The following PABPC4L variants were observed in gnomAD, a reference collection of about 807,000 sequenced individuals.
The protein encoded by PABPC4L is polyadenylate-binding protein 4-like.
For missense variants in PABPC4L, 452 were observed against 451.4 expected (o/e 1.00, Z -0.01); for synonymous variants, 169 against 164.1 (o/e 1.03, Z -0.23).
chr4:134,015,776 G>A, the PABPC4L span, among the ~76,000 whole-genome samples: 1 of 152,090 alleles, frequency 6.6e-6, no homozygotes, highest in Non-Finnish European at 1.5e-5. Context: ...CAAACAACTT[G>A]ACCTTACTGT....
At chr4:134,201,555 C>A (rs1001744437) in intron 1 of PABPC4L, among the ~76,000 whole-genome samples, 163 bp downstream of exon 1, 2 of 152,062 alleles carry the variant, frequency 1.3e-5, no homozygotes, top group African/African-American at 4.8e-5. Context: ...GCGCTGCCGG[C>A]AGCGACGCGG....
chr4:134,129,852 G>A, the PABPC4L span, among the ~76,000 whole-genome samples: 2 of 151,700 alleles, frequency 1.3e-5, no homozygotes, highest in South Asian at 2.1e-4. Context: ...GGGAAATCAC[G>A]AGGTCAGGAG....
At chr4:134,009,424 A>G in the PABPC4L span, among the ~76,000 whole-genome samples, 3 of 151,972 alleles carry the variant, frequency 2.0e-5, no homozygotes, top group Non-Finnish European at 4.4e-5. Flanking sequence ...CACAACCTCT[A>G]TGGTCTATCT....
chr4:134,162,330 T>C, the PABPC4L span, among the ~76,000 whole-genome samples: 7 of 152,080 alleles, frequency 4.6e-5, no homozygotes, highest in African/African-American at 1.7e-4. Flanking sequence ...CCTAAATATA[T>C]ATGCACCTAA....
chr4:133,960,122 G>A, the PABPC4L span, among the ~76,000 whole-genome samples: 6 of 152,058 alleles, frequency 3.9e-5, no homozygotes, highest in African/African-American at 1.2e-4. Context: ...GCAGAGATTC[G>A]CATTGTGAAT....
At chr4:134,014,223 C>G in the PABPC4L span, among the ~76,000 whole-genome samples, 2 of 152,130 alleles carry the variant, frequency 1.3e-5, no homozygotes, top group South Asian at 4.1e-4. Flanking sequence ...AAATTAAATT[C>G]CAGCCTCAAA....
chr4:134,072,293 G>A, the PABPC4L span, among the ~76,000 whole-genome samples: 2 of 152,194 alleles, frequency 1.3e-5, no homozygotes, highest in Middle Eastern at 3.4e-3. Flanking sequence ...CCTGGCCCCA[G>A]AGTTGATGTG....
At chr4:134,085,992 G>A in the PABPC4L span, among the ~76,000 whole-genome samples, 2 of 152,086 alleles carry the variant, frequency 1.3e-5, no homozygotes, top group African/African-American at 4.8e-5. Flanking sequence ...TCTTCCAACT[G>A]ATTGTAATAA....
At chr4:133,976,953 A>G in the PABPC4L span, among the ~76,000 whole-genome samples, 1 of 152,130 alleles carries the variant, frequency 6.6e-6, no homozygotes, top group African/African-American at 2.4e-5. Context: ...TTTCGTTAGA[A>G]TTGCTTTTGG....
At chr4:134,127,730 G>A in the PABPC4L span, among the ~76,000 whole-genome samples, 1 of 152,038 alleles carries the variant, frequency 6.6e-6, no homozygotes, top group Admixed American at 6.6e-5. Context: ...CTGGTAATAT[G>A]ATAAAACAAG....
At chr4:134,187,163 T>C in the PABPC4L span, among the ~76,000 whole-genome samples, 1 of 152,012 alleles carries the variant, frequency 6.6e-6, no homozygotes, top group African/African-American at 2.4e-5. Flanking sequence ...GAACTAGAAA[T>C]ACCATTTGAC....
the PABPC4L span, among the ~76,000 whole-genome samples, chr4:133,987,526 G>T: frequency 6.6e-6 from 1 of 151,906 alleles, no homozygotes; most frequent in African/African-American, 2.4e-5. Context: ...TCTCTGAAAT[G>T]AATAAAATAT....
chr4:134,128,134 A>T, the PABPC4L span, among the ~76,000 whole-genome samples: 1 of 152,148 alleles, frequency 6.6e-6, no homozygotes, highest in East Asian at 1.9e-4. Flanking sequence ...TTAAAAAATG[A>T]ACAAAGCCTA....
chr4:133,953,132 T>C, the PABPC4L span, among the ~76,000 whole-genome samples: 2 of 152,194 alleles, frequency 1.3e-5, no homozygotes, highest in Non-Finnish European at 2.9e-5. Flanking sequence ...TCACATTCTC[T>C]TCCTTTTTCC....
chr4:134,107,357 A>C, the PABPC4L span, among the ~76,000 whole-genome samples: 1 of 151,488 alleles, frequency 6.6e-6, no homozygotes, highest in Non-Finnish European at 1.5e-5. Context: ...CTAATATTAC[A>C]TTTACCTTAT....
At chr4:134,100,045 G>T in the PABPC4L span, among the ~76,000 whole-genome samples, 2 of 151,670 alleles carry the variant, frequency 1.3e-5, no homozygotes, top group Admixed American at 1.3e-4. Context: ...ATGAATGAAT[G>T]AAATGAATGG....
chr4:134,145,438 T>G, the PABPC4L span, among the ~76,000 whole-genome samples: 1 of 151,020 alleles, frequency 6.6e-6, no homozygotes. Flanking sequence ...ATAACGATAT[T>G]AAACCCCCCT....
the PABPC4L span, among the ~76,000 whole-genome samples, chr4:134,109,135 C>G: frequency 6.6e-6 from 1 of 151,810 alleles, no homozygotes; most frequent in South Asian, 2.1e-4. Context: ...ATGGAAATAT[C>G]AAGGTAGAAA....
At chr4:134,153,755 T>C in the PABPC4L span, among the ~76,000 whole-genome samples, 1 of 151,136 alleles carries the variant, frequency 6.6e-6, no homozygotes, top group Non-Finnish European at 1.5e-5. Context: ...CAAGCAATAC[T>C]CTTGCCTCAG....
Sources: gnomAD v4.1 joint callset for allele counts (sites outside exome capture counted in the v4.1 genomes callset) on GRCh38, gnomAD v4.1.1 for gene constraint, MANE v1.5 for transcripts, NCBI Gene and HGNC (gene_info 2026-07-23, HGNC 2026-07-21) for gene names.